The following FMN2 variants were observed in gnomAD, a reference collection of about 807,000 sequenced individuals.
FMN2 encodes formin 2.
FMN2 carries 51 observed loss-of-function variants against 142.3 expected under a neutral mutation model. That is an observed-to-expected ratio of 0.36 (90% confidence interval 0.29 to 0.45). The LOEUF (loss-of-function observed/expected upper bound fraction) is 0.45. Ranked by LOEUF, FMN2 falls within the 20% of genes least tolerant of loss-of-function variation. FMN2 has a pLI of 1.00. For synonymous variants in FMN2, 882 were observed against 869.8 expected (o/e 1.01, Z -0.25); for missense variants, 1,936 against 2,122.8 (o/e 0.91, Z 1.73).
At chr1:240,343,441 A>G (rs916262480) in intron 13 of FMN2, among the ~76,000 whole-genome samples, 4 of 152,184 alleles carry the variant, frequency 2.6e-5, no homozygotes, top group Non-Finnish European at 5.9e-5. Context: ...ACCCCAACAC[A>G]AACACCGCCT....
chr1:240,315,684 C>T (rs1670759606), intron 8 of FMN2, among the ~76,000 whole-genome samples: 2 of 152,140 alleles, frequency 1.3e-5, no homozygotes, highest in African/African-American at 4.8e-5. Context: ...AAGTTCTCCT[C>T]AGTCCTTGGC....
In FMN2 at chr1:240,114,656, C is replaced by T. The variant is rs10926127; in HGVS notation, c.1616-8523C>T. 7.7e-3 allele frequency among the ~76,000 whole-genome samples: 1,055 copies of T among 137,562 alleles called. 50 individuals carry two copies. Among genetic ancestry groups the T allele is most frequent in the South Asian group, 0.019 (82 of 4,348 alleles). 90.2% of individuals were successfully genotyped at this position (137,562 alleles called of 152,430 possible). A position where few individuals can be genotyped will look rare whatever the true frequency, so the allele number is the denominator to read the frequency against. On this transcript the variant is annotated intron_variant, in intron 1 of 17. Transcript: ENST00000319653. Reference sequence around the variant, plus strand: ...TGGTGATTTTCTAATTATATCATTTCTTTTTTTTTTTTTTTTTTGAGACAG... The same window carrying T: ...TGGTGATTTTCTAATTATATCATTTTTTTTTTTTTTTTTTTTTTGAGACAG...
intron 8 of FMN2, among the ~76,000 whole-genome samples, chr1:240,320,014 G>A (rs540891540): frequency 7.9e-5 from 12 of 152,248 alleles, no homozygotes; most frequent in East Asian, 1.9e-4. Flanking sequence ...TGAAATCTGC[G>A]ATGACATCTA....
chr1:240,142,729 G>C (rs1663241496), intron 2 of FMN2: 3 of 1,610,720 alleles, frequency 1.9e-6, no homozygotes. Context: ...GGGGTAACAG[G>C]AAGAAACTCC....
At chr1:240,296,001 T>C (rs1669963780) in intron 8 of FMN2, among the ~76,000 whole-genome samples, 1 of 152,210 alleles carries the variant, frequency 6.6e-6, no homozygotes, top group Non-Finnish European at 1.5e-5. Flanking sequence ...ATTTCTCTGA[T>C]GAACTGTGAT....
At chr1:240,218,780 A>G (rs1277743617) in intron 6 of FMN2, among the ~76,000 whole-genome samples, 1 of 152,200 alleles carries the variant, frequency 6.6e-6, no homozygotes, top group African/African-American at 2.4e-5. Context: ...ATGAGCTAAA[A>G]TACCAGAAAG....
At chr1:240,452,308 G>C (rs1002170896) in intron 16 of FMN2, among the ~76,000 whole-genome samples, 2 of 152,184 alleles carry the variant, frequency 1.3e-5, no homozygotes, top group African/African-American at 4.8e-5. Flanking sequence ...AGAAGTGAAA[G>C]TTGACAGGCA....
At chr1:240,456,858 A>C (rs976068093) in intron 16 of FMN2, among the ~76,000 whole-genome samples, 2 of 152,222 alleles carry the variant, frequency 1.3e-5, no homozygotes, top group Non-Finnish European at 2.9e-5. Context: ...ACTGGGCCTT[A>C]TTCTGCTCTC....
At chr1:240,450,227 T>C (rs936531184) in intron 16 of FMN2, among the ~76,000 whole-genome samples, 4 of 152,208 alleles carry the variant, frequency 2.6e-5, no homozygotes, top group Non-Finnish European at 5.9e-5. Context: ...TAAAACATTT[T>C]TGTTTTACAA....
intron 8 of FMN2, among the ~76,000 whole-genome samples, chr1:240,304,092 G>C (rs1483372315): frequency 2.0e-5 from 3 of 151,670 alleles, no homozygotes; most frequent in Non-Finnish European, 4.4e-5. Context: ...TTCTTGGCTT[G>C]CTTTCTTTAG....
intron 4 of FMN2, among the ~76,000 whole-genome samples, chr1:240,199,762 T>C (rs1666058914): frequency 6.6e-6 from 1 of 152,176 alleles, no homozygotes; most frequent in African/African-American, 2.4e-5. Flanking sequence ...AAATTGGTAA[T>C]CTATAAAGCA....
intron 14 of FMN2, among the ~76,000 whole-genome samples, chr1:240,368,913 A>C (rs1462854017): frequency 6.6e-6 from 1 of 150,988 alleles, no homozygotes; most frequent in African/African-American, 2.5e-5. Flanking sequence ...ATATTGACAC[A>C]GTTCTTTTTA....
At position 240,412,040 on chromosome 1, in the gene FMN2, C is replaced by T. The variant is rs144654800; in HGVS notation, c.4910+19478C>T. Among the ~76,000 whole-genome samples the T allele has an allele frequency of 2.1e-3, 319 of 152,110 alleles. 1 individual carries two copies. Among genetic ancestry groups the T allele is most frequent in the African/African-American group, 7.1e-3 (294 of 41,476 alleles). On this transcript the variant is annotated intron_variant, in intron 15 of 17. Coordinates refer to ENST00000319653, the MANE Select transcript of FMN2 (RefSeq NM_020066.5). The stretch of plus-strand genomic sequence containing the variant: ...GGAGATGGTGTCCACAGATGATCAG[C>T]GGCCTAAGACCGAAGCCATGAGAAA...
Position 240,093,668 on chromosome 1 carries a change from C to A in FMN2, c.1559C>A (p.Ala520Asp). The A allele has an allele frequency of 7.3e-7, 1 of 1,364,340 alleles. No homozygotes were observed. Among genetic ancestry groups the A allele is most frequent in the East Asian group, 2.9e-5 (1 of 34,922 alleles). 84.5% of individuals were successfully genotyped at this position (1,364,340 alleles called of 1,614,324 possible). A position where few individuals can be genotyped will look rare whatever the true frequency, so the allele number is the denominator to read the frequency against. ...GGCGGTGGGGTGTCCCCAGCACTGG[C>A]CGCCAAGGCGTCTGGGGCCCCCGCG... ...DSGGGVSPALAAKASGAPAAA... is the reference protein window; with the variant it reads ...DSGGGVSPALDAKASGAPAAA... The change falls in exon 1 of 18, where the codon GCC (alanine) becomes GAC (aspartate). Residue 520 changes from alanine to aspartate, a missense_variant. Coordinates refer to ENST00000319653, the MANE Select transcript of FMN2 (RefSeq NM_020066.5).
At chr1:240,248,288 C>T (rs181483399) in intron 6 of FMN2, among the ~76,000 whole-genome samples, 95 of 151,864 alleles carry the variant, frequency 6.3e-4, no homozygotes, top group African/African-American at 2.1e-3. Flanking sequence ...CTGTTCTATC[C>T]GTGTTGCTGC....
At chr1:240,115,256 T>A (rs1192084932) in intron 1 of FMN2, among the ~76,000 whole-genome samples, 2 of 152,242 alleles carry the variant, frequency 1.3e-5, no homozygotes, top group Admixed American at 6.5e-5. Context: ...CTATCTTTTT[T>A]TATTTATGTC....
At chr1:240,184,372 G>A (rs1446259988) in intron 3 of FMN2, among the ~76,000 whole-genome samples, 3 of 150,768 alleles carry the variant, frequency 2.0e-5, no homozygotes, top group Non-Finnish European at 4.4e-5. Flanking sequence ...GAGTAGCTGG[G>A]ACTGCAGGTG....
intron 1 of FMN2, among the ~76,000 whole-genome samples, chr1:240,110,938 T>C (rs1661787600): frequency 6.6e-6 from 1 of 152,196 alleles, no homozygotes; most frequent in African/African-American, 2.4e-5. Flanking sequence ...TATTTGAATC[T>C]GTGATTACCT....
intron 14 of FMN2, among the ~76,000 whole-genome samples, chr1:240,367,767 CAAAA>C (rs60368715): frequency 2.0e-4 from 11 of 54,058 alleles, no homozygotes; most frequent in African/African-American, 4.9e-4. Context: ...GACTCAGTCT[CAAAA>C]AAAAAAAAAA....
Sources: allele counts gnomAD v4.1 joint callset (sites outside exome capture counted in the v4.1 genomes callset), GRCh38; gene constraint gnomAD v4.1.1; transcripts MANE v1.5; gene names NCBI Gene and HGNC (gene_info 2026-07-23, HGNC 2026-07-21).